The following PMP22 variants were observed in gnomAD, a reference collection of about 807,000 sequenced individuals.
The protein encoded by PMP22 is peripheral myelin protein 22.
Under a neutral mutation model 18.9 loss-of-function variants are expected in PMP22, and 2 were observed. That is an observed-to-expected ratio of 0.11 (90% CI 0.04 to 0.33). The LOEUF is 0.33. Ranked by LOEUF, PMP22 falls within the 10% of genes least tolerant of loss-of-function variation. PMP22 has a pLI of 1.00. For missense variants in PMP22, 169 were observed against 202.2 expected, an observed-to-expected ratio of 0.84 and a Z score of 1.00; for synonymous variants, 95 against 89.2, an observed-to-expected ratio of 1.07 and a Z score of -0.37.
chr17:15,236,140 G>A (rs1687222009), intron 4 of PMP22, among the ~76,000 whole-genome samples: 1 of 151,858 alleles, frequency 6.6e-6, no homozygotes, highest in South Asian at 2.1e-4. Context: ...CTAAAGGAAG[G>A]AGCCTTTTGA....
chr17:15,259,170 G>T lies in PMP22; in HGVS notation c.102C>A (p.His34Gln), dbSNP rs779654897. 4 of 1,613,380 alleles carry T rather than the reference G, an allele frequency of 2.5e-6. No homozygotes were observed. In the South Asian group the frequency reaches 3.3e-5, roughly 13 times the overall value. ...IVSQWIVGNG[H>Q]ATDLWQNCST... is the part of the protein sequence containing the mutation. Reference sequence around the variant, plus strand: ...TACAGTTCTGCCAGAGATCAGTTGCGTGTCCATTGCCCACGATCCATTGCT... The same window carrying T: ...TACAGTTCTGCCAGAGATCAGTTGCTTGTCCATTGCCCACGATCCATTGCT... Residue 34 changes from histidine (H) to glutamine (Q), a missense_variant, in exon 3 of 5, where the codon CAC (histidine) becomes CAA (glutamine). Transcript: ENST00000312280.
chr17:15,250,492 T>C (rs1250982650), intron 3 of PMP22, among the ~76,000 whole-genome samples: 2 of 152,188 alleles, frequency 1.3e-5, no homozygotes, highest in African/African-American at 2.4e-5. Context: ...GACTTCTAAA[T>C]TGAAGTGATT....
At chr17:15,251,213 C>G (rs551471114) in intron 3 of PMP22, among the ~76,000 whole-genome samples, 85 of 152,192 alleles carry the variant, frequency 5.6e-4, no homozygotes, top group Non-Finnish European at 9.7e-4. Flanking sequence ...CAGACCACAT[C>G]ACTATGGAAG....
chr17:15,244,175 C>A (rs1380104928), intron 3 of PMP22, among the ~76,000 whole-genome samples: 3 of 152,136 alleles, frequency 2.0e-5, no homozygotes, highest in Non-Finnish European at 4.4e-5. Context: ...AGGTGCCCAA[C>A]CTCACTAGCA....
chr17:15,260,803 C>G (rs1287941000), intron 1 of PMP22, 42 bp from the exon 2 acceptor site: 2 of 1,330,648 alleles, frequency 1.5e-6, no homozygotes, highest in African/African-American at 1.5e-5. Flanking sequence ...CGCACTGGGC[C>G]GAGCGACGGA....
At chr17:15,249,332 G>A (rs1490271465) in intron 3 of PMP22, among the ~76,000 whole-genome samples, 1 of 152,154 alleles carries the variant, frequency 6.6e-6, no homozygotes, top group Non-Finnish European at 1.5e-5. Context: ...TGCCTGCTCT[G>A]CTTTTAGGAA....
In PMP22 at chr17:15,260,767, A is replaced by G. The variant is rs1458032025; in HGVS notation, c.-34-6T>C. On this transcript the variant is annotated splice_region_variant and splice_polypyrimidine_tract_variant and intron_variant, in intron 1 of 4. Coordinates refer to ENST00000312280, the MANE Select transcript of PMP22 (RefSeq NM_000304.4). Reference sequence around the variant, plus strand: ...CTGCTCAGCGGAGTTTCTGCCTGCGAGGAGAGCGCTGGGCGTGAGGCCGAA... The same window carrying G: ...CTGCTCAGCGGAGTTTCTGCCTGCGGGGAGAGCGCTGGGCGTGAGGCCGAA... 2 of 1,517,116 alleles carry G rather than the reference A, an allele frequency of 1.3e-6. No individual in the cohort carries two copies. Among genetic ancestry groups the G allele is most frequent in the Non-Finnish European group, 1.8e-6 (2 of 1,116,610 alleles). The allele number at this position is 1,517,116 out of a possible 1,614,324, so 94.0% of individuals were successfully genotyped here. A position where few individuals can be genotyped will look rare whatever the true frequency, so the allele number is the denominator to read the frequency against.
intron 4 of PMP22, among the ~76,000 whole-genome samples, chr17:15,237,066 G>A (rs1228524466): frequency 6.6e-6 from 1 of 152,220 alleles, no homozygotes; most frequent in African/African-American, 2.4e-5. Flanking sequence ...AGGGGATAAA[G>A]AGGACAAAGT....
chr17:15,239,663 C>T lies in PMP22; in HGVS notation c.179-52G>A, dbSNP rs767749002. Reference sequence around the variant, plus strand: ...AGAGCTGGCCATGGCCGGGGGAGGGCTCTGCCTCGAGGTGCAGGGCCTGAA... The same window carrying T: ...AGAGCTGGCCATGGCCGGGGGAGGGTTCTGCCTCGAGGTGCAGGGCCTGAA... On this transcript the variant is annotated intron_variant, in intron 3 of 4. Coordinates refer to ENST00000312280, the MANE Select transcript of PMP22 (RefSeq NM_000304.4). 3.1e-6 allele frequency: 5 copies of T among 1,606,414 alleles called. No individual in the cohort carries two copies. The East Asian group carries it at 1.1e-4, about 36-fold the overall frequency.
chr17:15,232,167 C>T (rs568467958), intron 4 of PMP22, among the ~76,000 whole-genome samples: 12 of 151,742 alleles, frequency 7.9e-5, no homozygotes, highest in African/African-American at 2.4e-4. Flanking sequence ...AACCTCACTG[C>T]TATTTGGGCT....
Position 15,230,973 on chromosome 17 carries a change from A to C in PMP22, c.427T>G (p.Phe143Val), listed in dbSNP as rs1906267118. ...ACACCGCTGAGAAGGGCCAGGGGGA[A>C]GGCCACCCAGGCCAGGATGTAGGCG... Reference protein sequence around the residue: ...GFAYILAWVAFPLALLSGVIY... With the variant: ...GFAYILAWVAVPLALLSGVIY... Residue 143 changes from phenylalanine (F) to valine (V), a missense_variant, in exon 5 of 5, where the codon TTC becomes GTC. Coordinates refer to ENST00000312280, the MANE Select transcript of PMP22 (RefSeq NM_000304.4). 1.2e-6 allele frequency: 2 copies of C among 1,614,010 alleles called. No homozygotes were observed. The highest frequency in any genetic ancestry group is 1.7e-6 in the Non-Finnish European group (2 of 1,179,988).
chr17:15,252,800 A>T (rs1413389810), intron 3 of PMP22, among the ~76,000 whole-genome samples: 1 of 152,216 alleles, frequency 6.6e-6, no homozygotes, highest in Admixed American at 6.5e-5. Context: ...TTTACTGAAG[A>T]CAAACTGCCT....
chr17:15,260,876 G>A (rs1351282419), intron 1 of PMP22, 115 bp from the exon 2 acceptor site: 5 of 695,858 alleles, frequency 7.2e-6, no homozygotes, highest in African/African-American at 3.6e-5. Flanking sequence ...AGCGCCCGCA[G>A]CCCGACCGCC....
rs539006665 is a variant in PMP22, at chr17:15,246,247, G to A, written c.179-6636C>T. Among the ~76,000 whole-genome samples the A allele has an allele frequency of 7.2e-5, 11 of 152,230 alleles. No individual in the cohort carries two copies. In the South Asian group the frequency reaches 1.2e-3, roughly 17 times the overall value. On this transcript the variant is annotated intron_variant, in intron 3 of 4. Coordinates refer to ENST00000312280, the MANE Select transcript of PMP22 (RefSeq NM_000304.4). ...ATACTTTAGGCTTTGCAGGTCATACGGTCTTCTTAACAACTACTCAATTCT... is the reference window on the plus strand; with the variant it reads ...ATACTTTAGGCTTTGCAGGTCATACAGTCTTCTTAACAACTACTCAATTCT...
intron 3 of PMP22, among the ~76,000 whole-genome samples, chr17:15,253,219 T>C (rs1013803109): frequency 4.6e-5 from 7 of 152,160 alleles, no homozygotes; most frequent in Non-Finnish European, 1.0e-4. Flanking sequence ...AGCGACGCCA[T>C]GGACCCTGCG....
intron 3 of PMP22, among the ~76,000 whole-genome samples, chr17:15,246,898 C>T (rs547200475): frequency 2.0e-5 from 3 of 151,030 alleles, no homozygotes; most frequent in South Asian, 2.1e-4. Flanking sequence ...GGTGAAACCC[C>T]GTCTCTACTA....
intron 4 of PMP22, among the ~76,000 whole-genome samples, chr17:15,232,782 CACTG>C (rs567150810): frequency 1.3e-5 from 2 of 152,300 alleles, no homozygotes; most frequent in East Asian, 3.9e-4. Context: ...TCCCCGATTT[CACTG>C]ACTAAGAGGA....
At chr17:15,233,453 C>T (rs1356980099) in intron 4 of PMP22, among the ~76,000 whole-genome samples, 1 of 152,216 alleles carries the variant, frequency 6.6e-6, no homozygotes, top group East Asian at 1.9e-4. Flanking sequence ...CAAGTTCTGC[C>T]TAAAGCCCTT....
At chr17:15,248,486 T>C (rs1908025789) in intron 3 of PMP22, among the ~76,000 whole-genome samples, 1 of 152,232 alleles carries the variant, frequency 6.6e-6, no homozygotes, top group African/African-American at 2.4e-5. Flanking sequence ...CAGGGTCTAG[T>C]TCTGCACTTT....
Sources: gnomAD v4.1 joint callset for allele counts (sites outside exome capture counted in the v4.1 genomes callset) on GRCh38, gnomAD v4.1.1 for gene constraint, MANE v1.5 for transcripts, NCBI Gene and HGNC (gene_info 2026-07-23, HGNC 2026-07-21) for gene names.